The following KPNA5 variants were observed in gnomAD, a reference collection of about 807,000 sequenced individuals.
KPNA5 encodes karyopherin subunit alpha 5, also known as importin subunit alpha-6.
In KPNA5, 46 loss-of-function variants were observed where a neutral mutation model predicts 71.3. That is an observed-to-expected ratio of 0.65 (90% CI 0.51 to 0.83). The LOEUF is 0.83. Among genes scored for constraint, KPNA5 ranks in the 40% least tolerant of loss-of-function variants. The pLI is 0.00. For synonymous variants in KPNA5, 207 were observed against 201.4 expected, an observed-to-expected ratio of 1.03 and a Z score of -0.24; for missense variants, 547 against 628.3, an observed-to-expected ratio of 0.87 and a Z score of 1.38.
rs771456603 is a variant in KPNA5 at position 116,722,257 on chromosome 6, T to C, written c.888T>C (p.Ser296=). The stretch of plus-strand genomic sequence containing the variant: ...ATAAAATTCAAGCAGTCATTGATTC[T>C]GGAGTCTGTCGAAGATTGGTGGAAC... ...PNDKIQAVID[S]GVCRRLVELL... The change falls in exon 9 of 14, where the codon TCT becomes TCC. Residue 296 remains serine (S), a synonymous_variant. Transcript: ENST00000368564. 9.9e-6 allele frequency: 16 copies of C among 1,611,676 alleles called. No individual in the cohort carries two copies. In the Admixed American group the frequency reaches 1.8e-4, roughly 19 times the overall value.
chr6:116,740,151 GA>G lies in KPNA5; in HGVS notation c.*7835del, dbSNP rs1203257638. On this transcript the variant is annotated 3_prime_UTR_variant, in exon 14 of 14. Transcript: ENST00000368564. ...ACAATGAACTCAAACAAATTTACAAGAAAAAAACAACCCCATCAAAAAGTGG... is the reference window on the plus strand; with the variant it reads ...ACAATGAACTCAAACAAATTTACAAGAAAAAACAACCCCATCAAAAAGTGG... 1.3e-5 allele frequency: 2 copies of G among 151,372 alleles called. No homozygotes were observed. The highest frequency in any genetic ancestry group is 3.0e-5 in the Non-Finnish European group (2 of 67,756). 9.4% of individuals were successfully genotyped at this position (151,372 alleles called of 1,614,324 possible).
chr6:116,715,395 G>A (rs1338015303), intron 7 of KPNA5, among the ~76,000 whole-genome samples: 2 of 151,674 alleles, frequency 1.3e-5, no homozygotes, highest in African/African-American at 4.8e-5. Context: ...ATAAAGTTAT[G>A]CTTTGAAAAA....
intron 1 of KPNA5, among the ~76,000 whole-genome samples, chr6:116,683,692 T>C (rs1029208420): frequency 4.0e-5 from 6 of 151,656 alleles, no homozygotes; most frequent in African/African-American, 1.2e-4. Flanking sequence ...GCCAGGAGTC[T>C]CCCTCCCGGG....
At position 116,716,295 on chromosome 6, in the gene KPNA5, A is replaced by C; in HGVS notation, c.733A>C (p.Asn245His). The change falls in exon 8 of 14, where the codon AAC (asparagine) becomes CAC (histidine). Residue 245 changes from asparagine (N) to histidine (H), a missense_variant. Physicochemically the swap from Asn to His is moderately conservative, Grantham distance 68. Coordinates refer to ENST00000368564, the MANE Select transcript of KPNA5 (RefSeq NM_001366306.2). ...CCTCTCAAATTTATGTAGAGGCAAA[A>C]ACCCTCCTCCAAACTTTAGTAAGGT... is the stretch of plus-strand genomic sequence containing the variant. ...WALSNLCRGK[N>H]PPPNFSKVSP... is the part of the protein sequence containing the mutation. 6.2e-7 allele frequency: 1 copy of C among 1,612,316 alleles called. No individual in the cohort carries two copies. The highest frequency in any genetic ancestry group is 8.5e-7 in the Non-Finnish European group (1 of 1,178,770).
Position 116,729,641 on chromosome 6 carries a change from T to C in KPNA5, c.1332T>C (p.Ala444=). 2 of 1,611,158 alleles carry C rather than the reference T, an allele frequency of 1.2e-6. No homozygotes were observed. The highest frequency in any genetic ancestry group is 1.1e-5 in the South Asian group (1 of 90,706). ...TVMDSKIVQV[A]LNGLENILRL... is the part of the protein sequence containing the mutation. ...TGGACTCCAAAATAGTCCAAGTGGC[T>C]TTAAATGGACTTGAAAATATTTTAC... is the stretch of plus-strand genomic sequence containing the variant. The change falls in exon 13 of 14, where the codon GCT becomes GCC. Residue 444 remains alanine, a synonymous_variant. Coordinates refer to ENST00000368564, the MANE Select transcript of KPNA5 (RefSeq NM_001366306.2).
intron 11 of KPNA5, among the ~76,000 whole-genome samples, chr6:116,726,113 G>A (rs1228144708): frequency 6.1e-5 from 9 of 147,704 alleles, no homozygotes; most frequent in Admixed American, 6.0e-4. Context: ...ATAATGGTTT[G>A]TCTTTAGAAA....
In KPNA5 at chr6:116,725,859, A is replaced by G. The variant is rs1323533776; in HGVS notation, c.1108A>G (p.Asn370Asp). 10 of 1,613,136 alleles carry G rather than the reference A, an allele frequency of 6.2e-6. No homozygotes were observed. In the South Asian group the frequency reaches 1.1e-4, roughly 18 times the overall value. The change falls in exon 11 of 14, where the codon AAT becomes GAT. Residue 370 changes from asparagine (N) to aspartate (D), a missense_variant. Coordinates refer to ENST00000368564, the MANE Select transcript of KPNA5 (RefSeq NM_001366306.2). ...GACTGTTTCTAACATCACTGCTGGA[A>G]ATAGAGCTCAGATTCAGGTAACTAC... ...CWTVSNITAG[N>D]RAQIQAVIDA...
intron 13 of KPNA5, among the ~76,000 whole-genome samples, chr6:116,731,572 T>G (rs1779483614): frequency 6.6e-6 from 1 of 152,160 alleles, no homozygotes; most frequent in South Asian, 2.1e-4. Context: ...ATTCTTCTCA[T>G]CTTTTCAAAA....
Position 116,741,097 on chromosome 6 carries a change from C to T in KPNA5, c.*8774C>T, listed in dbSNP as rs1292681871. 6.6e-6 allele frequency: 1 copy of T among 152,038 alleles called. No homozygotes were observed. The highest frequency in any genetic ancestry group is 1.5e-5 in the Non-Finnish European group (1 of 68,000). 9.4% of individuals were successfully genotyped at this position (152,038 alleles called of 1,614,324 possible). On this transcript the variant is annotated 3_prime_UTR_variant, in exon 14 of 14. Transcript: ENST00000368564. ...TGAGTTTGAAATTCGTTGATACTTG[C>T]TTTATGATCTGATATGTGTTGGTTT... is the stretch of plus-strand genomic sequence containing the variant.
chr6:116,701,880 A>G, intron 5 of KPNA5, 139 bp from the exon 6 acceptor site: 2 of 633,200 alleles, frequency 3.2e-6, no homozygotes, highest in South Asian at 6.2e-5. Context: ...TTATCCTTAA[A>G]TCTGACTTCA....
At chr6:116,706,829 C>T (rs1399910779) in intron 7 of KPNA5, among the ~76,000 whole-genome samples, 1 of 151,856 alleles carries the variant, frequency 6.6e-6, no homozygotes, top group East Asian at 1.9e-4. Flanking sequence ...GTTAGATACT[C>T]TCTCTGGAGT....
At chr6:116,712,322 A>T (rs1778728279) in intron 7 of KPNA5, among the ~76,000 whole-genome samples, 1 of 152,130 alleles carries the variant, frequency 6.6e-6, no homozygotes, top group Non-Finnish European at 1.5e-5. Flanking sequence ...TTTTTGACTT[A>T]CAGTCTAGTT....
In KPNA5 at chr6:116,702,014, C is replaced by A. The variant is rs772298992; in HGVS notation, c.436-5C>A. ...TCATTTATTTTACCTTTTTTTTCTT[C>A]TTAGTTTGAAGCTGCATGGGCATTA... On this transcript the variant is annotated splice_polypyrimidine_tract_variant and splice_region_variant and intron_variant, in intron 5 of 13. Transcript: ENST00000368564. 1 of 1,568,812 alleles carries A rather than the reference C, an allele frequency of 6.4e-7. No homozygotes were observed. Among genetic ancestry groups the A allele is most frequent in the South Asian group, 1.2e-5 (1 of 82,268 alleles).
At chr6:116,695,551 A>G (rs1777994475) in intron 4 of KPNA5, among the ~76,000 whole-genome samples, 1 of 152,200 alleles carries the variant, frequency 6.6e-6, no homozygotes, top group Non-Finnish European at 1.5e-5. Context: ...GACAGAGTTT[A>G]GTGACACATG....
At chr6:116,691,962 T>G (rs1055910665) in intron 2 of KPNA5, 93 bp from the exon 3 acceptor site, 2 of 778,742 alleles carry the variant, frequency 2.6e-6, no homozygotes, top group Non-Finnish European at 4.4e-6. Context: ...TTGATAGGTT[T>G]CTTTTGTCCA....
At chr6:116,691,374 T>C (rs1378743071) in intron 2 of KPNA5, among the ~76,000 whole-genome samples, 1 of 152,232 alleles carries the variant, frequency 6.6e-6, no homozygotes, top group Non-Finnish European at 1.5e-5. Context: ...CCACCTCAGC[T>C]TCTCAAGTAG....
rs1386457094 is a variant in KPNA5 at position 116,681,440 on chromosome 6, T to G, written c.4+102T>G. On this transcript the variant is annotated intron_variant, in intron 1 of 13. Transcript: ENST00000368564. Reference sequence around the variant, plus strand: ...CACGGTTTTTATTTACCCCTTACTTTGCGAAGGTCTCTGGAACCTGGCGGT... The same window carrying G: ...CACGGTTTTTATTTACCCCTTACTTGGCGAAGGTCTCTGGAACCTGGCGGT... 7 of 1,448,714 alleles carry G rather than the reference T, an allele frequency of 4.8e-6. No individual in the cohort carries two copies. The East Asian group carries it at 1.1e-4, about 22-fold the overall frequency. The allele number at this position is 1,448,714 out of a possible 1,614,324, so 89.7% of individuals were successfully genotyped here. A position where few individuals can be genotyped will look rare whatever the true frequency, so the allele number is the denominator to read the frequency against.
At chr6:116,698,068 G>A (rs1000679012) in intron 4 of KPNA5, among the ~76,000 whole-genome samples, 3 of 151,940 alleles carry the variant, frequency 2.0e-5, no homozygotes, top group Non-Finnish European at 4.4e-5. Context: ...CTGAAGAACC[G>A]TAGAGGGTAC....
intron 4 of KPNA5, among the ~76,000 whole-genome samples, chr6:116,694,169 A>G (rs914460163): frequency 6.6e-6 from 1 of 152,136 alleles, no homozygotes. Flanking sequence ...ATCAGGTAGC[A>G]TGATGCCTCC....
Sources: gnomAD v4.1 joint callset for allele counts (sites outside exome capture counted in the v4.1 genomes callset) on GRCh38, gnomAD v4.1.1 for gene constraint, MANE v1.5 for transcripts, NCBI Gene and HGNC (gene_info 2026-07-23, HGNC 2026-07-21) for gene names.